HMCN2: variants seen among roughly 807,000 people sequenced by gnomAD.
The protein encoded by HMCN2 is hemicentin 2, also known as hemicentin-2.
Under a neutral mutation model 377.5 loss-of-function variants are expected in HMCN2, and 325 were observed. That is an observed-to-expected ratio of 0.86 (90% CI 0.79 to 0.94). The LOEUF (loss-of-function observed/expected upper bound fraction) is 0.94. Among genes scored for constraint, HMCN2 ranks in the 40% least tolerant of loss-of-function variants. HMCN2 has a pLI of 0.00. For missense variants in HMCN2, 4,543 were observed against 4,725.3 expected (o/e 0.96, Z 1.13); for synonymous variants, 2,007 against 2,046.8 (o/e 0.98, Z 0.53).
intron 79 of HMCN2, 150 bp from the exon 80 acceptor site, chr9:130,403,591 G>C: frequency 1.1e-6 from 1 of 916,502 alleles, no homozygotes; most frequent in Non-Finnish European, 1.5e-6. Context: ...CTGGGCTCAG[G>C]GTCAGGCTTC....
chr9:130,393,869 A>G lies in HMCN2; in HGVS notation c.10362A>G (p.Glu3454=), dbSNP rs1256608990. The G allele has an allele frequency of 3.1e-6, 4 of 1,288,986 alleles. No individual in the cohort carries two copies. The highest frequency in any genetic ancestry group is 1.5e-5 in the African/African-American group (1 of 65,650). The allele number at this position is 1,288,986 out of a possible 1,614,324, so 79.8% of individuals were successfully genotyped here. ...LPLVSWMKDG[E]PLLSQSLEQG... is the part of the protein sequence containing the mutation. ...TCGTGTCGTGGATGAAGGATGGGGAACCCTTGTTGTCCCAGAGCCTCGAGC... is the reference window on the plus strand; with the variant it reads ...TCGTGTCGTGGATGAAGGATGGGGAGCCCTTGTTGTCCCAGAGCCTCGAGC... The change falls in exon 68 of 98, where the codon GAA becomes GAG. Residue 3454 remains glutamate, a synonymous_variant. Coordinates refer to ENST00000683500, the MANE Select transcript of HMCN2 (RefSeq NM_001291815.2). The surrounding 1 kb of genome is among the most constrained non-coding windows in gnomAD (Gnocchi z 5.2).
chr9:130,357,782 T>G (rs538985355), intron 34 of HMCN2, 52 bp from the exon 35 acceptor site: 1 of 1,261,262 alleles, frequency 7.9e-7, no homozygotes, highest in Admixed American at 2.4e-5. Context: ...GGGTGCCCAC[T>G]GTACTCCTCC....
rs111367453 is a variant in HMCN2, at chr9:130,309,772, G to A, written c.2201-140G>A. 8.4e-3 allele frequency: 2,755 copies of A among 329,438 alleles called. 15 individuals carry two copies. Among genetic ancestry groups the A allele is most frequent in the Non-Finnish European group, 0.013 (2,091 of 162,016 alleles). The allele number at this position is 329,438 out of a possible 1,614,324, so 20.4% of individuals were successfully genotyped here. A position where few individuals can be genotyped will look rare whatever the true frequency, so the allele number is the denominator to read the frequency against. On this transcript the variant is annotated intron_variant, in intron 14 of 97. Coordinates refer to ENST00000683500, the MANE Select transcript of HMCN2 (RefSeq NM_001291815.2). ...TGGACCCAGGGGTCCTGACCTTGGG[G>A]CTTAAACCTGCTTCCACCCACCATC...
At chr9:130,352,434 G>A (rs1024155431) in intron 30 of HMCN2, among the ~76,000 whole-genome samples, 1 of 152,232 alleles carries the variant, frequency 6.6e-6, no homozygotes, top group Non-Finnish European at 1.5e-5. Context: ...ACCAAACGGA[G>A]CCTTTCCTTG....
At position 130,267,030 on chromosome 9, in the gene HMCN2, C is replaced by G. The variant is rs59840488; in HGVS notation, c.259+893C>G. On this transcript the variant is annotated intron_variant, in intron 1 of 97. Transcript: ENST00000683500. ...GCGTGATCACAGCTCGCTGCAGCCT[C>G]GAACTCCTGGGCTCAGGTGACCCTC... 6.6e-5 allele frequency among the ~76,000 whole-genome samples: 10 copies of G among 152,150 alleles called. No individual in the cohort carries two copies. The South Asian group carries it at 1.0e-3, about 16-fold the overall frequency.
At chr9:130,274,053 A>ATTT (rs55718524) in intron 1 of HMCN2, among the ~76,000 whole-genome samples, 3 of 144,392 alleles carry the variant, frequency 2.1e-5, no homozygotes. Context: ...TGATACATTA[A>ATTT]TTTTTTTTTT....
At chr9:130,271,752 T>A (rs1834421307) in intron 1 of HMCN2, among the ~76,000 whole-genome samples, 1 of 149,078 alleles carries the variant, frequency 6.7e-6, no homozygotes, top group Middle Eastern at 3.5e-3. Flanking sequence ...CTAAGTGTGT[T>A]TGTTGGTACT....
rs772771732 is a variant in HMCN2, at chr9:130,391,466, G to A, written c.9844G>A (p.Gly3282Ser). 9 of 987,834 alleles carry A rather than the reference G, an allele frequency of 9.1e-6. No individual in the cohort carries two copies. The highest frequency in any genetic ancestry group is 9.6e-6 in the Non-Finnish European group (8 of 830,170). 61.2% of individuals were successfully genotyped at this position (987,834 alleles called of 1,614,324 possible). A position where few individuals can be genotyped will look rare whatever the true frequency, so the allele number is the denominator to read the frequency against. The change falls in exon 65 of 98, where the codon GGC becomes AGC. Residue 3282 changes from glycine (G) to serine (S), a missense_variant. This residue lies in a region of HMCN2 where 1,073 missense variants were observed against 1,319.5 expected (regional missense o/e 0.81). Transcript: ENST00000683500. ...GPHLRFYLDG[G>S]SLVLKGLRAS... ...CTGTGGCAGGTTCTACCTGGACGGC[G>A]GCTCCCTGGTGCTAAAAGGCCTGAG...
At chr9:130,346,612 C>A (rs890133042) in intron 25 of HMCN2, among the ~76,000 whole-genome samples, 10 of 152,082 alleles carry the variant, frequency 6.6e-5, no homozygotes, top group Admixed American at 5.9e-4. Context: ...CAGGGCACAA[C>A]GCAGGGTGCT....
chr9:130,329,280 G>A (rs1838297885), intron 22 of HMCN2, among the ~76,000 whole-genome samples: 1 of 152,140 alleles, frequency 6.6e-6, no homozygotes. Context: ...CTAACTCAAT[G>A]TCTTCCAGGT....
chr9:130,363,863 GAGAAGGAAGGAAGGAA>G (rs1362847966), intron 40 of HMCN2, among the ~76,000 whole-genome samples: 20 of 145,994 alleles, frequency 1.4e-4, no homozygotes, highest in Non-Finnish European at 2.7e-4. Context: ...GAGAGAGAGA[GAGAAGGAAGGAAGGAA>G]AGAAGGAAGG....
intron 54 of HMCN2, among the ~76,000 whole-genome samples, chr9:130,380,200 C>T (rs540598130): frequency 6.6e-6 from 1 of 152,150 alleles, no homozygotes; most frequent in Non-Finnish European, 1.5e-5. Flanking sequence ...TTTTCTTTCA[C>T]CACCTTAAGA....
intron 95 of HMCN2, 163 bp from the exon 96 acceptor site, chr9:130,431,204 A>G: frequency 1.4e-6 from 1 of 692,838 alleles, no homozygotes; most frequent in African/African-American, 1.8e-5. Flanking sequence ...AAGCACAGGG[A>G]CTCCCCCAAC....
rs564254159 is a variant in HMCN2 at position 130,388,977 on chromosome 9, C to T, written c.9523+437C>T. The stretch of plus-strand genomic sequence containing the variant: ...CCCATCCAGGCCTCCCCATTCTGGC[C>T]GCTGCTGTGCCCACCGTTCCTCCGC... On this transcript the variant is annotated intron_variant, in intron 62 of 97. Coordinates refer to ENST00000683500, the MANE Select transcript of HMCN2 (RefSeq NM_001291815.2). 2.4e-4 allele frequency among the ~76,000 whole-genome samples: 36 copies of T among 152,294 alleles called. No homozygotes were observed. In the South Asian group the frequency reaches 5.0e-3, roughly 21 times the overall value.
At chr9:130,420,805 A>G (rs1033678819) in intron 86 of HMCN2, among the ~76,000 whole-genome samples, 5 of 152,026 alleles carry the variant, frequency 3.3e-5, no homozygotes, top group African/African-American at 4.8e-5. Flanking sequence ...TAAAGACCCT[A>G]TCTTCAAATA....
At position 130,272,848 on chromosome 9, in the gene HMCN2, G is replaced by A. The variant is rs577850750; in HGVS notation, c.259+6711G>A. ...GCTGGGATTACAGGCCTGAACCACT[G>A]CGCCTGGCCGAGCATCTTCTTTTTA... On this transcript the variant is annotated intron_variant, in intron 1 of 97. Coordinates refer to ENST00000683500, the MANE Select transcript of HMCN2 (RefSeq NM_001291815.2). 1.8e-4 allele frequency among the ~76,000 whole-genome samples: 28 copies of A among 152,348 alleles called. 2 individuals are homozygous for A. In the South Asian group the frequency reaches 5.8e-3, roughly 32 times the overall value.
intron 4 of HMCN2, among the ~76,000 whole-genome samples, chr9:130,293,436 T>C (rs1480343534): frequency 6.6e-6 from 1 of 151,974 alleles, no homozygotes; most frequent in Admixed American, 6.6e-5. Flanking sequence ...GTTTTAGGGT[T>C]TGCACAGGAT....
Position 130,429,142 on chromosome 9 carries a change from C to T in HMCN2, c.14198-415C>T, listed in dbSNP as rs572831735. ...CTCTCCTGCCTGCCGCCCTTCCTGC[C>T]GCCTTTCCTCCTTTCTCACCACTTT... On this transcript the variant is annotated intron_variant, in intron 93 of 97. Transcript: ENST00000683500. 1.1e-4 allele frequency: 21 copies of T among 189,914 alleles called. No individual in the cohort carries two copies. In the South Asian group the frequency reaches 1.2e-3, roughly 11 times the overall value. 11.8% of individuals were successfully genotyped at this position (189,914 alleles called of 1,614,324 possible). A position where few individuals can be genotyped will look rare whatever the true frequency, so the allele number is the denominator to read the frequency against.
rs112209540 is a variant in HMCN2, at chr9:130,378,155, C to T, written c.8212+356C>T. 6.6e-3 allele frequency among the ~76,000 whole-genome samples: 1,010 copies of T among 151,908 alleles called. 3 individuals carry two copies. Among genetic ancestry groups the T allele is most frequent in the Middle Eastern group, 0.014 (4 of 294 alleles). On this transcript the variant is annotated intron_variant, in intron 53 of 97. Coordinates refer to ENST00000683500, the MANE Select transcript of HMCN2 (RefSeq NM_001291815.2). ...CTCTGGTCGAGAGTAAGCTGAGTGG[C>T]GGCCTCAATGGTTGAAACTGCCTGT...
Sources: gnomAD v4.1 joint callset for allele counts (sites outside exome capture counted in the v4.1 genomes callset) on GRCh38, gnomAD v4.1.1 for gene constraint, gnomAD v4.1.1 regional missense constraint, Gnocchi (gnomAD v3.1) non-coding constraint, MANE v1.5 for transcripts, NCBI Gene and HGNC (gene_info 2026-07-23, HGNC 2026-07-21) for gene names.